The following CDKN2A variants were observed in gnomAD, a reference collection of about 807,000 sequenced individuals.
CDKN2A encodes the protein cyclin-dependent kinase inhibitor 2A.
In CDKN2A, 3 loss-of-function variants were observed where a neutral mutation model predicts 11.1. The observed-to-expected ratio is 0.27, with a 90% CI of 0.12 to 0.70. The LOEUF (loss-of-function observed/expected upper bound fraction) is 0.70, where lower values mean the gene tolerates loss of function less well. CDKN2A is among the 30% of genes least tolerant of loss of function. The pLI is 0.77. For synonymous variants in CDKN2A, 122 were observed against 108.1 expected (o/e 1.13, Z -0.80); for missense variants, 265 against 233.6 (o/e 1.13, Z -0.88).
chr9:21,979,478 G>C (rs1820124316), upstream of CDKN2A, among the ~76,000 whole-genome samples: 1 of 152,190 alleles, frequency 6.6e-6, no homozygotes, highest in South Asian at 2.1e-4. Context: ...ACACAGGCAA[G>C]ATAGGATATT....
intron 1 of CDKN2A, among the ~76,000 whole-genome samples, chr9:21,971,629 T>C (rs978670756): frequency 1.4e-5 from 2 of 147,168 alleles, no homozygotes; most frequent in African/African-American, 5.1e-5. Context: ...AATGTGGTAA[T>C]TGTTAAAAAG....
Position 21,968,309 on chromosome 9 carries a change from C to T in CDKN2A, c.458-67G>A. The T allele has an allele frequency of 1.3e-6, 2 of 1,586,684 alleles. No individual in the cohort carries two copies. The highest frequency in any genetic ancestry group is 1.7e-6 in the Non-Finnish European group (2 of 1,155,964). ...TCAAAGATGTGTGGCACATCCCGCC[C>T]TCCTCTCTTGCCGTCCCTACCGGCA... On this transcript the variant is annotated intron_variant, in intron 2 of 2. Coordinates refer to ENST00000304494, the MANE Select transcript of CDKN2A (RefSeq NM_000077.5). This position sits in a 1 kb window ranked among gnomAD's most constrained non-coding sequence, Gnocchi z 4.7.
At chr9:21,970,691 T>C in intron 2 of CDKN2A, 1 of 648,526 alleles carries the variant, frequency 1.5e-6, no homozygotes, top group South Asian at 1.8e-5. Flanking sequence ...AAATGGGCTT[T>C]CACGTGCGCA....
At chr9:21,993,892 G>C (rs1418283593) in exon 2 of CDKN2A, 6 of 574,344 alleles carry the variant, frequency 1.0e-5, no homozygotes, top group Admixed American at 3.0e-5. Flanking sequence ...TGACTTCTGA[G>C]GTGGGTTTAG....
chr9:21,971,575 A>ATTTTTTTTTTTTTTTTTTT lies in CDKN2A; in HGVS notation c.151-368_151-367insAAAAAAAAAAAAAAAAAAA, dbSNP rs59981968. Among the ~76,000 whole-genome samples the ATTTTTTTTTTTTTTTTTTT allele has an allele frequency of 7.3e-3, 811 of 111,140 alleles. 40 individuals carry two copies. Among genetic ancestry groups the ATTTTTTTTTTTTTTTTTTT allele is most frequent in the African/African-American group, 0.016 (363 of 22,822 alleles). The allele number at this position is 111,140 out of a possible 152,430, so 72.9% of individuals were successfully genotyped here. A position where few individuals can be genotyped will look rare whatever the true frequency, so the allele number is the denominator to read the frequency against. ...TCCTGAAATTATGTTAGGCCTGGAG[A>ATTTTTTTTTTTTTTTTTTT]TTTTTTTTTTTTTTTTTGTTCACTG... On this transcript the variant is annotated intron_variant, in intron 1 of 2. Coordinates refer to ENST00000304494, the MANE Select transcript of CDKN2A (RefSeq NM_000077.5).
At position 21,988,884 on chromosome 9, in the gene CDKN2A, T is replaced by TTTA. The variant is rs1340274886; in HGVS notation, c.-4+4997_-4+4998insTAA. Among the ~76,000 whole-genome samples, 1 of 152,220 alleles carries TTTA rather than the reference T, an allele frequency of 6.6e-6. No individual in the cohort carries two copies. On this transcript the variant is annotated intron_variant, in intron 2 of 3. Transcript: ENST00000494262. This position sits in a 1 kb window ranked among gnomAD's most constrained non-coding sequence, Gnocchi z 4.1. ...ATTCAGTGGGTTCAGAGACTCTAAG[T>TTTA]ATTTGCCATTCCCTTTAGATGGAAA...
At chr9:21,977,387 C>G (rs145880579), upstream of CDKN2A, among the ~76,000 whole-genome samples, 71 of 152,146 alleles carry the variant, frequency 4.7e-4, no homozygotes, top group East Asian at 6.9e-3. Context: ...GATGGAGTTT[C>G]GCTCTGTTGC....
chr9:21,974,348 A>G lies in CDKN2A; in HGVS notation c.150+330T>C. On this transcript the variant is annotated intron_variant, in intron 1 of 2. Coordinates refer to ENST00000304494, the MANE Select transcript of CDKN2A (RefSeq NM_000077.5). This position sits in a 1 kb window ranked among gnomAD's most constrained non-coding sequence, Gnocchi z 5.2. ...GTCCCAGCACATCTTACATTTCTTT[A>G]AGACTCCCTTTTTATCCCAAACGTT... The G allele has an allele frequency of 6.9e-7, 1 of 1,445,666 alleles. No individual in the cohort carries two copies. The allele number at this position is 1,445,666 out of a possible 1,614,324, so 89.6% of individuals were successfully genotyped here. A position where few individuals can be genotyped will look rare whatever the true frequency, so the allele number is the denominator to read the frequency against.
intron 1 of CDKN2A, among the ~76,000 whole-genome samples, chr9:21,971,670 C>A (rs921960670): frequency 6.9e-6 from 1 of 144,700 alleles, no homozygotes; most frequent in Non-Finnish European, 1.5e-5. Context: ...AAAACAAATT[C>A]TCACAAAACT....
Position 21,968,824 on chromosome 9 carries a change from C to T in CDKN2A, c.458-582G>A, listed in dbSNP as rs1413162251. The stretch of plus-strand genomic sequence containing the variant: ...CATGTGCTCTGGCTTCTGCCTTCCT[C>T]TCTAATCTCGTTGCGTATGGGCTCC... On this transcript the variant is annotated intron_variant, in intron 2 of 2. Coordinates refer to ENST00000304494, the MANE Select transcript of CDKN2A (RefSeq NM_000077.5). The surrounding 1 kb of genome is among the most constrained non-coding windows in gnomAD (Gnocchi z 4.7). 3 of 1,524,032 alleles carry T rather than the reference C, an allele frequency of 2.0e-6. No homozygotes were observed. The highest frequency in any genetic ancestry group is 1.2e-5 in the South Asian group (1 of 83,814). 94.4% of individuals were successfully genotyped at this position (1,524,032 alleles called of 1,614,324 possible). A position where few individuals can be genotyped will look rare whatever the true frequency, so the allele number is the denominator to read the frequency against.
At chr9:21,969,301 C>A (rs1819575426) in intron 2 of CDKN2A, among the ~76,000 whole-genome samples, 1 of 151,986 alleles carries the variant, frequency 6.6e-6, no homozygotes, top group Non-Finnish European at 1.5e-5. Context: ...GGTGGGAGAA[C>A]CCCTTGAGCC....
intron 2 of CDKN2A, among the ~76,000 whole-genome samples, chr9:21,992,996 T>C (rs956718291): frequency 6.6e-6 from 1 of 152,220 alleles, no homozygotes; most frequent in Non-Finnish European, 1.5e-5. Context: ...ATTTATCCTA[T>C]AGATTATAAA....
At position 21,968,693 on chromosome 9, in the gene CDKN2A, C is replaced by T. The variant is rs1819531286; in HGVS notation, c.458-451G>A. On this transcript the variant is annotated intron_variant, in intron 2 of 2. Coordinates refer to ENST00000304494, the MANE Select transcript of CDKN2A (RefSeq NM_000077.5). The surrounding 1 kb of genome is among the most constrained non-coding windows in gnomAD (Gnocchi z 4.7). ...CGATAACCAAAGGGCGCCTCAGGCT[C>T]TGGCGCTCCTCGGCGGAATCCCGTA... 6.5e-7 allele frequency: 1 copy of T among 1,536,178 alleles called. No individual in the cohort carries two copies. The highest frequency in any genetic ancestry group is 1.4e-5 in the African/African-American group (1 of 73,192).
chr9:21,975,765 T>C (rs1389780515), upstream of CDKN2A, among the ~76,000 whole-genome samples: 1 of 152,158 alleles, frequency 6.6e-6, no homozygotes, highest in East Asian at 1.9e-4. Context: ...AAGTCATAAT[T>C]CCTAGACCAG....
Position 21,971,575 on chromosome 9 carries a change from A to ATTTTTTTTTTTTTTTTTTTTTTT in CDKN2A, c.151-368_151-367insAAAAAAAAAAAAAAAAAAAAAAA, listed in dbSNP as rs59981968. ...TCCTGAAATTATGTTAGGCCTGGAGATTTTTTTTTTTTTTTTTGTTCACTG... is the reference window on the plus strand; with the variant it reads ...TCCTGAAATTATGTTAGGCCTGGAGATTTTTTTTTTTTTTTTTTTTTTTTTTTTTTTTTTTTTTTTGTTCACTG... On this transcript the variant is annotated intron_variant, in intron 1 of 2. Coordinates refer to ENST00000304494, the MANE Select transcript of CDKN2A (RefSeq NM_000077.5). Among the ~76,000 whole-genome samples the ATTTTTTTTTTTTTTTTTTTTTTT allele has an allele frequency of 3.2e-3, 353 of 111,312 alleles. 31 individuals carry two copies. The highest frequency in any genetic ancestry group is 8.9e-3 in the African/African-American group (203 of 22,870). 73.0% of individuals were successfully genotyped at this position (111,312 alleles called of 152,430 possible). A position where few individuals can be genotyped will look rare whatever the true frequency, so the allele number is the denominator to read the frequency against.
Position 21,968,623 on chromosome 9 carries a change from C to T in CDKN2A, c.458-381G>A. ...GATGTGGCCTTTCCCTTCCCGCATC[C>T]CCAGGCATCTTTTGCACCTGGTGCG... On this transcript the variant is annotated intron_variant, in intron 2 of 2. Transcript: ENST00000304494. The surrounding 1 kb of genome is among the most constrained non-coding windows in gnomAD (Gnocchi z 4.7). 2.0e-6 allele frequency: 3 copies of T among 1,515,882 alleles called. No individual in the cohort carries two copies. The highest frequency in any genetic ancestry group is 2.6e-6 in the Non-Finnish European group (3 of 1,136,562). 93.9% of individuals were successfully genotyped at this position (1,515,882 alleles called of 1,614,324 possible).
chr9:21,969,077 C>T (rs1160896575), intron 2 of CDKN2A, among the ~76,000 whole-genome samples: 1 of 152,242 alleles, frequency 6.6e-6, no homozygotes, highest in Non-Finnish European at 1.5e-5. Flanking sequence ...GTTTTATAAA[C>T]TCGCTCTCTG....
chr9:21,984,821 G>C (rs1273237105), intron 2 of CDKN2A, among the ~76,000 whole-genome samples: 1 of 151,920 alleles, frequency 6.6e-6, no homozygotes, highest in Non-Finnish European at 1.5e-5. Flanking sequence ...TTTAAAAGTA[G>C]CTTGCTTTCT....
intron 2 of CDKN2A, among the ~76,000 whole-genome samples, chr9:21,980,989 CGTATATATATATACGT>C (rs1563896352): frequency 1.1e-4 from 1 of 9,164 alleles, no homozygotes; most frequent in Non-Finnish European, 1.8e-4. Flanking sequence ...TATATATACA[CGTATATATATATACGT>C]GTATATATAT....
Sources: allele counts gnomAD v4.1 joint callset (sites outside exome capture counted in the v4.1 genomes callset), GRCh38; gene constraint gnomAD v4.1.1; non-coding constraint Gnocchi (gnomAD v3.1); transcripts MANE v1.5; gene names NCBI Gene and HGNC (gene_info 2026-07-23, HGNC 2026-07-21).